Variants in FHIT observed in about 807,000 individuals in gnomAD.
The protein encoded by FHIT is bis(5'-adenosyl)-triphosphatase.
Under a neutral mutation model 17.9 loss-of-function variants are expected in FHIT, and 19 were observed. That is an observed-to-expected ratio of 1.06 (90% CI 0.74 to 1.56). The LOEUF (loss-of-function observed/expected upper bound fraction) is 1.56, where lower values mean the gene tolerates loss of function less well. Ranked by LOEUF, FHIT falls within the 40% of genes most tolerant of loss-of-function variation. FHIT has a pLI of 0.00. For synonymous variants in FHIT, 81 were observed against 69.7 expected (o/e 1.16, Z -0.81); for missense variants, 248 against 189.2 (o/e 1.31, Z -1.82).
intron 5 of FHIT, among the ~76,000 whole-genome samples, chr3:60,282,415 G>A (rs1293474663): frequency 1.3e-5 from 2 of 152,106 alleles, no homozygotes; most frequent in African/African-American, 4.8e-5. Flanking sequence ...AGGCAATAAA[G>A]GGATTACTAG....
At chr3:59,771,802 G>A (rs982303533) in intron 8 of FHIT, among the ~76,000 whole-genome samples, 1 of 152,142 alleles carries the variant, frequency 6.6e-6, no homozygotes, top group South Asian at 2.1e-4. Flanking sequence ...GCTCTAAAAC[G>A]GGAGTGCTTA....
intron 2 of FHIT, among the ~76,000 whole-genome samples, chr3:61,169,565 A>T (rs2037937050): frequency 6.6e-6 from 1 of 152,204 alleles, no homozygotes; most frequent in Admixed American, 6.5e-5. Context: ...CTTTAATATG[A>T]ATTTAGTTGG....
intron 5 of FHIT, among the ~76,000 whole-genome samples, chr3:60,169,486 T>A (rs1209692375): frequency 2.6e-5 from 4 of 152,242 alleles, no homozygotes. Context: ...CATCTTTTGG[T>A]GATAATTGTT....
At chr3:60,586,869 G>A (rs1553662270) in intron 4 of FHIT, among the ~76,000 whole-genome samples, 1 of 151,650 alleles carries the variant, frequency 6.6e-6, no homozygotes, top group Non-Finnish European at 1.5e-5. Context: ...GGAGAAAGAG[G>A]AGCAAAAAAA....
intron 8 of FHIT, among the ~76,000 whole-genome samples, chr3:59,806,363 A>C (rs1293758371): frequency 6.6e-6 from 1 of 152,084 alleles, no homozygotes; most frequent in African/African-American, 2.4e-5. Context: ...CAAACACTTG[A>C]CTATGGCCAC....
intron 8 of FHIT, among the ~76,000 whole-genome samples, chr3:59,911,340 G>T (rs947967593): frequency 6.6e-6 from 1 of 152,180 alleles, no homozygotes; most frequent in Non-Finnish European, 1.5e-5. Flanking sequence ...CATTTTGAAC[G>T]TAGAGGGGAT....
chr3:60,590,357 C>G (rs988293456), intron 4 of FHIT, among the ~76,000 whole-genome samples: 1 of 152,012 alleles, frequency 6.6e-6, no homozygotes. Context: ...CAGCAGCAAA[C>G]TAGAACCCCT....
At chr3:60,583,271 G>A (rs999327292) in intron 4 of FHIT, among the ~76,000 whole-genome samples, 3 of 151,758 alleles carry the variant, frequency 2.0e-5, no homozygotes, top group Admixed American at 2.0e-4. Context: ...AATAAATTTG[G>A]CATTCCCATT....
In FHIT at chr3:60,913,059, G is replaced by A. The variant is rs182223042; in HGVS notation, c.-110-91048C>T. 1.9e-3 allele frequency among the ~76,000 whole-genome samples: 284 copies of A among 152,330 alleles called. 1 individual carries two copies. Among genetic ancestry groups the A allele is most frequent in the Non-Finnish European group, 3.2e-3 (219 of 68,034 alleles). On this transcript the variant is annotated intron_variant, in intron 3 of 9. Coordinates refer to ENST00000492590, the MANE Select transcript of FHIT (RefSeq NM_002012.4). The stretch of plus-strand genomic sequence containing the variant: ...TGTTTCACAATGAAGCACTCTGTAG[G>A]TGAAAGCATTGCCATGATTAATGAT...
chr3:60,526,137 T>TACACACACACACAC (rs59137290), intron 5 of FHIT, among the ~76,000 whole-genome samples: 2,053 of 148,122 alleles, frequency 0.014, 44 homozygotes, highest in African/African-American at 0.046. Flanking sequence ...ACACAACACA[T>TACACACACACACAC]ACACACACAC....
chr3:60,577,118 C>A lies in FHIT; in HGVS notation c.-17-40139G>T, dbSNP rs576471308. Reference sequence around the variant, plus strand: ...GAGGACACTGATTAAAAATATAACACCCCTCATTGATCAACAGGTACCTTT... The same window carrying A: ...GAGGACACTGATTAAAAATATAACAACCCTCATTGATCAACAGGTACCTTT... On this transcript the variant is annotated intron_variant, in intron 4 of 9. Coordinates refer to ENST00000492590, the MANE Select transcript of FHIT (RefSeq NM_002012.4). Among the ~76,000 whole-genome samples the A allele has an allele frequency of 3.9e-5, 6 of 152,216 alleles. No individual in the cohort carries two copies. The East Asian group carries it at 1.2e-3, about 29-fold the overall frequency.
At chr3:60,508,217 A>G (rs1446823786) in intron 5 of FHIT, among the ~76,000 whole-genome samples, 4 of 152,210 alleles carry the variant, frequency 2.6e-5, no homozygotes, top group Non-Finnish European at 5.9e-5. Flanking sequence ...AAATTTAGGA[A>G]GTAAAACCAG....
At chr3:61,075,119 G>A (rs1246386251) in intron 2 of FHIT, among the ~76,000 whole-genome samples, 1 of 152,122 alleles carries the variant, frequency 6.6e-6, no homozygotes, top group African/African-American at 2.4e-5. Flanking sequence ...AAATGTCTTA[G>A]CCCCTGGCTA....
chr3:59,829,427 A>G (rs980332988), intron 8 of FHIT, among the ~76,000 whole-genome samples: 4 of 152,156 alleles, frequency 2.6e-5, no homozygotes, highest in Non-Finnish European at 5.9e-5. Context: ...GGAGCCCTCG[A>G]ACTTCAAAAT....
intron 5 of FHIT, among the ~76,000 whole-genome samples, chr3:60,367,492 A>G (rs1700157469): frequency 5.9e-5 from 9 of 152,226 alleles, no homozygotes. Context: ...CTCAAAAACG[A>G]GGAAGTGGGA....
chr3:60,808,676 A>G (rs193271561), intron 4 of FHIT, among the ~76,000 whole-genome samples: 8 of 151,842 alleles, frequency 5.3e-5, no homozygotes, highest in African/African-American at 1.9e-4. Context: ...ACAAAGAACC[A>G]AAAGCAAATT....
At chr3:59,986,668 T>A (rs1452831279) in intron 7 of FHIT, among the ~76,000 whole-genome samples, 1 of 45,512 alleles carries the variant, frequency 2.2e-5, no homozygotes. Context: ...TATTTATATT[T>A]ATAATATATT....
intron 5 of FHIT, among the ~76,000 whole-genome samples, chr3:60,181,152 T>C (rs989482236): frequency 6.7e-6 from 1 of 148,650 alleles, no homozygotes; most frequent in African/African-American, 2.5e-5. Context: ...TTAATTTTTT[T>C]TTTTTTTTTT....
At chr3:60,526,810 C>T (rs1162597973) in intron 5 of FHIT, among the ~76,000 whole-genome samples, 3 of 152,164 alleles carry the variant, frequency 2.0e-5, no homozygotes, top group Non-Finnish European at 4.4e-5. Flanking sequence ...TTCGTAGCAT[C>T]AAGCCAAAGA....
Sources: gnomAD v4.1 joint callset for allele counts (sites outside exome capture counted in the v4.1 genomes callset) on GRCh38, gnomAD v4.1.1 for gene constraint, MANE v1.5 for transcripts, NCBI Gene and HGNC (gene_info 2026-07-23, HGNC 2026-07-21) for gene names.